RNF43: variants seen among roughly 807,000 people sequenced by gnomAD.
RNF43 encodes E3 ubiquitin-protein ligase RNF43.
In RNF43, 37 loss-of-function variants were observed where a neutral mutation model predicts 78.4. The ratio of observed to expected loss-of-function variants is 0.47; its 90% CI spans 0.36 to 0.62. The LOEUF (loss-of-function observed/expected upper bound fraction) is 0.62. Ranked by LOEUF, RNF43 falls within the 20% of genes least tolerant of loss-of-function variation. The probability of loss-of-function intolerance (pLI) is 0.00; values close to 1 mark genes in which losing one functional copy is unlikely to be tolerated. For synonymous variants in RNF43, 347 were observed against 395.0 expected, an observed-to-expected ratio of 0.88 and a Z score of 1.44; for missense variants, 774 against 1,007.9, an observed-to-expected ratio of 0.77 and a Z score of 3.14.
chr17:58,364,390 C>G (rs562503371), intron 3 of RNF43, among the ~76,000 whole-genome samples: 51 of 152,282 alleles, frequency 3.3e-4, no homozygotes, highest in African/African-American at 1.2e-3. Context: ...CAAGAGTCAG[C>G]TTGAGGAAGC....
intron 2 of RNF43, among the ~76,000 whole-genome samples, chr17:58,392,078 C>A (rs1307957506): frequency 1.3e-5 from 2 of 152,142 alleles, no homozygotes; most frequent in African/African-American, 4.8e-5. Flanking sequence ...GAAGAATGGA[C>A]TAATTATTAT....
At chr17:58,395,416 A>C (rs904517481) in intron 2 of RNF43, among the ~76,000 whole-genome samples, 2 of 152,190 alleles carry the variant, frequency 1.3e-5, no homozygotes, top group African/African-American at 2.4e-5. Context: ...TACCACAGCA[A>C]CAGCTATGAA....
chr17:58,358,791 A>G lies in RNF43; in HGVS notation c.985T>C (p.Ser329Pro), dbSNP rs1326711195. ...GDSFSQSLGP[S>P]RSYQEPGRRL... ...CGACCTGGTTCTTGGTAAGATCGAG[A>G]GGGTCCCAGGGACTGGGAAAATGAA... Residue 329 changes from serine (S) to proline (P), a missense_variant, in exon 9 of 10, where the codon TCT becomes CCT. Coordinates refer to ENST00000407977, the MANE Select transcript of RNF43 (RefSeq NM_017763.6). This position sits in a 1 kb window ranked among gnomAD's most constrained non-coding sequence, Gnocchi z 6.2. 8 of 1,532,788 alleles carry G rather than the reference A, an allele frequency of 5.2e-6. No homozygotes were observed. The highest frequency in any genetic ancestry group is 6.1e-6 in the Non-Finnish European group (7 of 1,140,974). 94.9% of individuals were successfully genotyped at this position (1,532,788 alleles called of 1,614,324 possible). A position where few individuals can be genotyped will look rare whatever the true frequency, so the allele number is the denominator to read the frequency against.
chr17:58,406,811 T>C (rs1973918131), intron 2 of RNF43, among the ~76,000 whole-genome samples: 1 of 151,816 alleles, frequency 6.6e-6, no homozygotes, highest in Non-Finnish European at 1.5e-5. Flanking sequence ...TTTAGTCTCA[T>C]CTGAATTATT....
At position 58,358,478 on chromosome 17, in the gene RNF43, A is replaced by G. The variant is rs1250346405; in HGVS notation, c.1298T>C (p.Val433Ala). 1 of 1,614,002 alleles carries G rather than the reference A, an allele frequency of 6.2e-7. No homozygotes were observed. The highest frequency in any genetic ancestry group is 1.1e-5 in the South Asian group (1 of 91,056). ...AGGGGGCCTGGCCCGGCGTAGGGGC[A>G]CTGGGCAAGCAGCAGGGTGCTGTGA... ...STSQHPAACP[V>A]PLRRARPPDS... The change falls in exon 9 of 10, where the codon GTG becomes GCG. Residue 433 changes from valine to alanine, a missense_variant. Transcript: ENST00000407977. This position sits in a 1 kb window ranked among gnomAD's most constrained non-coding sequence, Gnocchi z 6.2.
At chr17:58,386,815 A>T (rs903704598) in intron 2 of RNF43, among the ~76,000 whole-genome samples, 1 of 151,628 alleles carries the variant, frequency 6.6e-6, no homozygotes, top group Admixed American at 6.6e-5. Context: ...TTTGCTTTAT[A>T]TTCTTTTTTT....
rs1824482232 is a variant in RNF43, at chr17:58,357,596, A to G, written c.2180T>C (p.Leu727Ser). 5 of 1,613,934 alleles carry G rather than the reference A, an allele frequency of 3.1e-6. No individual in the cohort carries two copies. The Admixed American group carries it at 6.7e-5, about 22-fold the overall frequency. ...PCYSNSQPVW[L>S]CLTPRQPLEP... Reference sequence around the variant, plus strand: ...CAGGGGCTGGCGAGGAGTCAGGCACAACCACACTGGCTGTGAATTTGAGTA... The same window carrying G: ...CAGGGGCTGGCGAGGAGTCAGGCACGACCACACTGGCTGTGAATTTGAGTA... Residue 727 changes from leucine (L) to serine (S), a missense_variant, in exon 9 of 10, where the codon TTG (leucine) becomes TCG (serine). Transcript: ENST00000407977. The surrounding 1 kb of genome is among the most constrained non-coding windows in gnomAD (Gnocchi z 4.5).
rs1972625657 is a variant in RNF43, at chr17:58,353,909, G to T, written c.*1034C>A. The T allele has an allele frequency of 5.4e-6, 1 of 185,252 alleles. No individual in the cohort carries two copies. The allele number at this position is 185,252 out of a possible 1,614,324, so 11.5% of individuals were successfully genotyped here. A position where few individuals can be genotyped will look rare whatever the true frequency, so the allele number is the denominator to read the frequency against. ...GTGGTCAGGCTGCCCTGGGGTGAAT[G>T]TCACCCTGATGAGGCCCATCAGCTC... On this transcript the variant is annotated 3_prime_UTR_variant, in exon 10 of 10. Coordinates refer to ENST00000407977, the MANE Select transcript of RNF43 (RefSeq NM_017763.6).
intron 2 of RNF43, among the ~76,000 whole-genome samples, chr17:58,385,073 A>G (rs1973403612): frequency 6.6e-6 from 1 of 152,192 alleles, no homozygotes; most frequent in African/African-American, 2.4e-5. Context: ...TGCTCATGAC[A>G]TAATACTATT....
chr17:58,405,929 G>C (rs1425039064), intron 2 of RNF43, among the ~76,000 whole-genome samples: 1 of 152,106 alleles, frequency 6.6e-6, no homozygotes, highest in Non-Finnish European at 1.5e-5. Context: ...CACAGAATTT[G>C]GTACAAATAG....
At position 58,358,046 on chromosome 17, in the gene RNF43, TG is replaced by T; in HGVS notation, c.1729del (p.Gln577SerfsTer123). On this transcript the variant is annotated frameshift_variant, in exon 9 of 10. Transcript: ENST00000407977. LOFTEE classifies it high-confidence loss of function. The surrounding 1 kb of genome is among the most constrained non-coding windows in gnomAD (Gnocchi z 6.2). ...TGTCCGAGGAATAGGAGGCCTGGAC[TG>T]GGGGACTCCGGTTTCTGGGCCAGGC... ...RKPGPETGVP[Q>X]SRPPIPRTQP... 2 of 1,590,676 alleles carry T rather than the reference TG, an allele frequency of 1.3e-6. No homozygotes were observed. The highest frequency in any genetic ancestry group is 1.7e-6 in the Non-Finnish European group (2 of 1,168,858).
At position 58,363,848 on chromosome 17, in the gene RNF43, C is replaced by T. The variant is rs201621687; in HGVS notation, c.376-248G>A. Among the ~76,000 whole-genome samples the T allele has an allele frequency of 2.6e-4, 40 of 152,316 alleles. No individual in the cohort carries two copies. In the East Asian group the frequency reaches 7.7e-3, roughly 29 times the overall value. On this transcript the variant is annotated intron_variant, in intron 3 of 9. Transcript: ENST00000407977. ...GCTTTTCCTTTTGTAATGGAACAAACCCTTAAGGGGGGTTTACAGGGTGCC... is the reference window on the plus strand; with the variant it reads ...GCTTTTCCTTTTGTAATGGAACAAATCCTTAAGGGGGGTTTACAGGGTGCC...
In RNF43 at chr17:58,357,183, C is replaced by T. The variant is rs781546377; in HGVS notation, c.2308+285G>A. The stretch of plus-strand genomic sequence containing the variant: ...TTCTGGGATTACAGGCATGAGCCAT[C>T]ACACCCGGCCTTCCAAGTGCCTTTC... On this transcript the variant is annotated intron_variant, in intron 9 of 9. Transcript: ENST00000407977. This position sits in a 1 kb window ranked among gnomAD's most constrained non-coding sequence, Gnocchi z 4.5. The T allele has an allele frequency of 4.0e-5, 28 of 701,736 alleles. No individual in the cohort carries two copies. The highest frequency in any genetic ancestry group is 1.7e-5 in the African/African-American group (1 of 57,220). 43.5% of individuals were successfully genotyped at this position (701,736 alleles called of 1,614,324 possible). A position where few individuals can be genotyped will look rare whatever the true frequency, so the allele number is the denominator to read the frequency against.
At chr17:58,375,535 A>C (rs1279297879) in intron 2 of RNF43, among the ~76,000 whole-genome samples, 1 of 152,022 alleles carries the variant, frequency 6.6e-6, no homozygotes, top group Non-Finnish European at 1.5e-5. Context: ...CCTGCCCCCC[A>C]CTGCCTGTTA....
chr17:58,390,239 C>G lies in RNF43; in HGVS notation c.253-19206G>C, dbSNP rs1373184586. 2.0e-5 allele frequency among the ~76,000 whole-genome samples: 3 copies of G among 152,102 alleles called. No homozygotes were observed. The East Asian group carries it at 5.8e-4, about 29-fold the overall frequency. On this transcript the variant is annotated intron_variant, in intron 2 of 9. Coordinates refer to ENST00000407977, the MANE Select transcript of RNF43 (RefSeq NM_017763.6). ...AAAATGGAATACAAAACAAAGAAAA[C>G]AGAAGGCATGAGATCAGAGCTTTCT...
chr17:58,404,201 C>A (rs951232045), intron 2 of RNF43, among the ~76,000 whole-genome samples: 2 of 152,038 alleles, frequency 1.3e-5, no homozygotes, highest in Non-Finnish European at 2.9e-5. Flanking sequence ...TTTTCTATCA[C>A]CTACCAAACA....
chr17:58,369,798 A>T (rs1281902975), intron 3 of RNF43, among the ~76,000 whole-genome samples: 1 of 152,228 alleles, frequency 6.6e-6, no homozygotes, highest in Non-Finnish European at 1.5e-5. Context: ...TGAAAAGTGA[A>T]TGAGATCATA....
intron 2 of RNF43, among the ~76,000 whole-genome samples, chr17:58,413,320 T>G (rs1436507285): frequency 6.6e-6 from 1 of 152,190 alleles, no homozygotes; most frequent in Admixed American, 6.5e-5. Flanking sequence ...GTTGAAAAAC[T>G]TTAATAACTG....
At chr17:58,395,021 C>G (rs1023150313) in intron 2 of RNF43, 1 of 152,152 alleles carries the variant, frequency 6.6e-6, no homozygotes, top group African/African-American at 2.4e-5. Flanking sequence ...GCAAGTATAT[C>G]GAGAGGAAAA....
Sources: gnomAD v4.1 joint callset for allele counts (sites outside exome capture counted in the v4.1 genomes callset) on GRCh38, gnomAD v4.1.1 for gene constraint, Gnocchi (gnomAD v3.1) non-coding constraint, MANE v1.5 for transcripts, NCBI Gene and HGNC (gene_info 2026-07-23, HGNC 2026-07-21) for gene names.